The following WWOX variants were observed in gnomAD, a reference collection of about 807,000 sequenced individuals.
The protein encoded by WWOX is WW domain-containing oxidoreductase.
In WWOX, 69 loss-of-function variants were observed where a neutral mutation model predicts 46.2. That is an observed-to-expected ratio of 1.49 (90% CI 1.23 to 1.82). The LOEUF is 1.82. WWOX is among the 40% of genes most tolerant of loss of function. WWOX has a pLI of 0.00. For synonymous variants in WWOX, 359 were observed against 202.6 expected, an observed-to-expected ratio of 1.77 and a Z score of -6.56; for missense variants, 919 against 542.6, an observed-to-expected ratio of 1.69 and a Z score of -6.89.
Position 79,156,266 on chromosome 16 carries a change from A to G in WWOX, c.1057-55342A>G, listed in dbSNP as rs188752802. 5.0e-3 allele frequency among the ~76,000 whole-genome samples: 754 copies of G among 152,244 alleles called. 2 individuals are homozygous for G. Among genetic ancestry groups the G allele is most frequent in the Non-Finnish European group, 7.8e-3 (532 of 68,014 alleles). On this transcript the variant is annotated intron_variant, in intron 8 of 8. Coordinates refer to ENST00000566780, the MANE Select transcript of WWOX (RefSeq NM_016373.4). ...AACCTTTGCATCCTGGGCTCAAGCA[A>G]TCCTCCCACGTCAACCTCCAGAATA...
chr16:78,121,357 C>G (rs528826397), intron 4 of WWOX, among the ~76,000 whole-genome samples: 33 of 152,254 alleles, frequency 2.2e-4, no homozygotes, highest in African/African-American at 7.2e-4. Flanking sequence ...TATGGAGATT[C>G]TTGACAGTGT....
intron 8 of WWOX, among the ~76,000 whole-genome samples, chr16:78,690,867 C>G (rs151149558): frequency 6.6e-6 from 1 of 152,204 alleles, no homozygotes; most frequent in South Asian, 2.1e-4. Context: ...GATGTTGTCT[C>G]TTAGCACCGT....
At chr16:79,185,776 A>C (rs577407133) in intron 8 of WWOX, among the ~76,000 whole-genome samples, 40 of 152,254 alleles carry the variant, frequency 2.6e-4, no homozygotes, top group African/African-American at 9.1e-4. Flanking sequence ...AGGATAAACG[A>C]GAGGGTGTGG....
intron 8 of WWOX, among the ~76,000 whole-genome samples, chr16:78,802,930 AAAAAAAAAAAAACAAC>A (rs766039602): frequency 0.064 from 7,492 of 117,810 alleles, 1,153 homozygotes; most frequent in African/African-American, 0.13. Context: ...AAAAAAAAAA[AAAAAAAAAAAAACAAC>A]AAACAGAAAA....
At chr16:79,025,228 G>C (rs1229775507) in intron 8 of WWOX, among the ~76,000 whole-genome samples, 1 of 152,170 alleles carries the variant, frequency 6.6e-6, no homozygotes, top group African/African-American at 2.4e-5. Context: ...AGGGAGATTA[G>C]CTGAGAGGCT....
At chr16:78,513,123 C>G (rs919874889) in intron 8 of WWOX, among the ~76,000 whole-genome samples, 1 of 152,116 alleles carries the variant, frequency 6.6e-6, no homozygotes, top group Admixed American at 6.5e-5. Context: ...TTCATTCTCT[C>G]CGTTGGTCAT....
chr16:79,080,039 T>A (rs937664256), intron 8 of WWOX, among the ~76,000 whole-genome samples: 7 of 152,228 alleles, frequency 4.6e-5, no homozygotes, highest in Admixed American at 3.3e-4. Context: ...GCACTGGGAA[T>A]ATAGCAGGAT....
intron 8 of WWOX, among the ~76,000 whole-genome samples, chr16:78,913,729 A>G (rs187189183): frequency 6.6e-6 from 1 of 151,274 alleles, no homozygotes; most frequent in Non-Finnish European, 1.5e-5. Flanking sequence ...TGGTGCCATC[A>G]TAGCTCACTG....
At position 78,713,987 on chromosome 16, in the gene WWOX, C is replaced by G. The variant is rs74029910; in HGVS notation, c.1056+281235C>G. ...AATTGGCTACGAGGGCTTGTGTGTA[C>G]TCTAGTTCTCTTTCCGTGACACTGC... is the stretch of plus-strand genomic sequence containing the variant. On this transcript the variant is annotated intron_variant, in intron 8 of 8. Transcript: ENST00000566780. Among the ~76,000 whole-genome samples, 288 of 152,202 alleles carry G rather than the reference C, an allele frequency of 1.9e-3. 1 individual carries two copies. Among genetic ancestry groups the G allele is most frequent in the Middle Eastern group, 6.8e-3 (2 of 294 alleles).
chr16:78,838,935 A>G (rs551920335), intron 8 of WWOX, among the ~76,000 whole-genome samples: 2 of 152,260 alleles, frequency 1.3e-5, no homozygotes, highest in South Asian at 2.1e-4. Context: ...ACCAGAGTGG[A>G]TTTAAAACAG....
At chr16:78,175,211 C>A (rs1597309939) in intron 5 of WWOX, among the ~76,000 whole-genome samples, 1 of 151,910 alleles carries the variant, frequency 6.6e-6, no homozygotes, top group South Asian at 2.1e-4. Flanking sequence ...GGTGTCAGAG[C>A]CTACCCTGTG....
At chr16:79,112,561 C>T (rs1014594352) in intron 8 of WWOX, among the ~76,000 whole-genome samples, 2 of 152,184 alleles carry the variant, frequency 1.3e-5, no homozygotes, top group African/African-American at 4.8e-5. Context: ...GGGAGCAAGA[C>T]ACCAGCTTTT....
intron 8 of WWOX, among the ~76,000 whole-genome samples, chr16:79,033,144 A>G (rs1404973961): frequency 6.8e-6 from 1 of 146,092 alleles, no homozygotes; most frequent in Non-Finnish European, 1.5e-5. Flanking sequence ...TGTAGATGTA[A>G]TATATATATA....
intron 5 of WWOX, among the ~76,000 whole-genome samples, chr16:78,384,724 C>G (rs1211467075): frequency 6.6e-6 from 1 of 152,206 alleles, no homozygotes; most frequent in Non-Finnish European, 1.5e-5. Flanking sequence ...ACTTTGGCAT[C>G]TGCCACTGTT....
intron 8 of WWOX, chr16:79,101,727 C>G (rs1380794744): frequency 1.4e-5 from 2 of 146,390 alleles, no homozygotes; most frequent in South Asian, 4.3e-4. Flanking sequence ...CTCTCTTTCT[C>G]TGTATTACTT....
At chr16:79,188,413 C>A (rs927568831) in intron 8 of WWOX, among the ~76,000 whole-genome samples, 1 of 152,126 alleles carries the variant, frequency 6.6e-6, no homozygotes, top group South Asian at 2.1e-4. Context: ...CTAAAGTTCT[C>A]TTAGATACTT....
intron 8 of WWOX, among the ~76,000 whole-genome samples, chr16:78,465,157 G>C (rs2667517): frequency 1.3e-5 from 2 of 152,174 alleles, no homozygotes; most frequent in South Asian, 4.1e-4. Flanking sequence ...ACACATGGGA[G>C]TTCTGGGAAC....
chr16:79,204,306 C>G (rs1441727865), intron 8 of WWOX: 1 of 152,068 alleles, frequency 6.6e-6, no homozygotes, highest in Admixed American at 6.6e-5. Context: ...CAGGTCCGGT[C>G]AGTTCTAGAA....
chr16:78,585,707 TTTTTTTGC>T (rs2045183704), intron 8 of WWOX, among the ~76,000 whole-genome samples: 2 of 151,558 alleles, frequency 1.3e-5, no homozygotes, highest in African/African-American at 4.8e-5. Context: ...GTTTTTTTTG[TTTTTTTGC>T]CTAATTTGTG....
Sources: gnomAD v4.1 joint callset for allele counts (sites outside exome capture counted in the v4.1 genomes callset) on GRCh38, gnomAD v4.1.1 for gene constraint, MANE v1.5 for transcripts, NCBI Gene and HGNC (gene_info 2026-07-23, HGNC 2026-07-21) for gene names.